Variants in RELN observed in about 807,000 individuals in gnomAD.
The protein encoded by RELN is reelin.
Under a neutral mutation model 427.6 loss-of-function variants are expected in RELN, and 108 were observed. The observed-to-expected ratio is 0.25, with a 90% CI of 0.22 to 0.30. The LOEUF (loss-of-function observed/expected upper bound fraction) is 0.30. RELN is among the 10% of genes least tolerant of loss of function. The pLI is 1.00. For missense variants in RELN, 3,715 were observed against 4,302.8 expected, an observed-to-expected ratio of 0.86 and a Z score of 3.82; for synonymous variants, 1,524 against 1,513.4, an observed-to-expected ratio of 1.01 and a Z score of -0.16.
At chr7:103,747,541 G>A (rs369420040) in intron 6 of RELN, among the ~76,000 whole-genome samples, 29 of 151,894 alleles carry the variant, frequency 1.9e-4, no homozygotes, top group African/African-American at 6.5e-4. Context: ...GCTTGGTGAA[G>A]AGTCAAACCA....
chr7:103,868,018 T>C (rs1251471249), intron 2 of RELN, among the ~76,000 whole-genome samples: 1 of 151,968 alleles, frequency 6.6e-6, no homozygotes, highest in Non-Finnish European at 1.5e-5. Flanking sequence ...CTCCACAAAA[T>C]TCAAAGCTCT....
chr7:103,603,907 C>CT lies in RELN; in HGVS notation c.3147-418dup, dbSNP rs1290228162. Among the ~76,000 whole-genome samples the CT allele has an allele frequency of 6.6e-6, 1 of 152,042 alleles. No homozygotes were observed. Among genetic ancestry groups the CT allele is most frequent in the African/African-American group, 2.4e-5 (1 of 41,390 alleles). On this transcript the variant is annotated intron_variant, in intron 23 of 64. Coordinates refer to ENST00000428762, the MANE Select transcript of RELN (RefSeq NM_005045.4). The surrounding 1 kb of genome is among the most constrained non-coding windows in gnomAD (Gnocchi z 4.3). ...GTTCCTCTTTCTGATTAAACTATGCCTTTTTTAGAGTCTTTAGGTATTCAA... is the reference window on the plus strand; with the variant it reads ...GTTCCTCTTTCTGATTAAACTATGCCTTTTTTTAGAGTCTTTAGGTATTCAA...
chr7:103,491,918 A>T, intron 58 of RELN, 35 bp downstream of exon 58: 1 of 1,445,272 alleles, frequency 6.9e-7, no homozygotes, highest in Non-Finnish European at 9.6e-7. Context: ...GGGGTATTCA[A>T]GTTTGAAGAT....
intron 12 of RELN, among the ~76,000 whole-genome samples, chr7:103,655,842 T>C (rs761182783): frequency 1.3e-5 from 2 of 152,124 alleles, no homozygotes; most frequent in Non-Finnish European, 2.9e-5. Context: ...ATCATAGTTC[T>C]GGAACCGCTG....
At position 103,540,257 on chromosome 7, in the gene RELN, G is replaced by A; in HGVS notation, c.6870C>T (p.Arg2290=). ...IPLKARSGST[R]LRWWQPSENG... ...TCTCAGACGGTTGCCACCAGCGAAG[G>A]CGAGTAGAACCAGAACGGGCTTTCA... The change falls in exon 44 of 65, where the codon CGC becomes CGT. Residue 2290 remains arginine (R), a synonymous_variant. Transcript: ENST00000428762. 1 of 1,614,196 alleles carries A rather than the reference G, an allele frequency of 6.2e-7. No individual in the cohort carries two copies. Among genetic ancestry groups the A allele is most frequent in the Non-Finnish European group, 8.5e-7 (1 of 1,180,026 alleles).
chr7:103,916,977 T>C (rs761723964), intron 2 of RELN, 98 bp downstream of exon 2: 9 of 915,174 alleles, frequency 9.8e-6, no homozygotes, highest in Non-Finnish European at 1.6e-5. Context: ...TTCTTGGAAG[T>C]AATAAAGGTC....
At chr7:103,798,667 T>A (rs155333) in intron 3 of RELN, among the ~76,000 whole-genome samples, 3 of 152,020 alleles carry the variant, frequency 2.0e-5, no homozygotes, top group African/African-American at 4.8e-5. Context: ...CCCTTTCCCA[T>A]GAGGACATCT....
chr7:103,516,012 A>G (rs1388927363), intron 49 of RELN, among the ~76,000 whole-genome samples: 1 of 152,158 alleles, frequency 6.6e-6, no homozygotes, highest in Non-Finnish European at 1.5e-5. Context: ...AAAATTGTAT[A>G]TATTCATAGA....
At chr7:103,557,634 C>A (rs1030351843) in intron 37 of RELN, among the ~76,000 whole-genome samples, 1 of 152,046 alleles carries the variant, frequency 6.6e-6, no homozygotes, top group African/African-American at 2.4e-5. Context: ...AGAAAATCCA[C>A]GTTTTTCATA....
At chr7:103,954,889 G>A in intron 1 of RELN, among the ~76,000 whole-genome samples, 1 of 152,116 alleles carries the variant, frequency 6.6e-6, no homozygotes, top group Non-Finnish European at 1.5e-5. Context: ...TTAAAAAACA[G>A]TAATTTTTAA....
At chr7:103,791,458 A>G (rs1192283165) in intron 3 of RELN, among the ~76,000 whole-genome samples, 2 of 152,210 alleles carry the variant, frequency 1.3e-5, no homozygotes, top group African/African-American at 4.8e-5. Flanking sequence ...TTTATGGTTA[A>G]TTTCTGACAG....
chr7:103,833,225 T>A (rs1428962211), intron 3 of RELN, among the ~76,000 whole-genome samples: 1 of 152,096 alleles, frequency 6.6e-6, no homozygotes, highest in African/African-American at 2.4e-5. Context: ...TGGTACCCTT[T>A]AAAAAATTTC....
At position 103,491,957 on chromosome 7, in the gene RELN, C is replaced by A. The variant is rs150485168; in HGVS notation, c.9439G>T (p.Ala3147Ser). The change falls in exon 58 of 65, where the codon GCA becomes TCA. Residue 3147 changes from alanine (A) to serine (S), a missense_variant. Physicochemically the swap from Ala to Ser is moderately conservative, Grantham distance 99 (BLOSUM62 1). Transcript: ENST00000428762. Reference protein sequence around the residue: ...HSVMLEYTKDARSDSWQLVQT... With the variant: ...HSVMLEYTKDSRSDSWQLVQT... ...GTTAAAAATTATTTCACAAACCTTG[C>A]ATCCTTAGTGTATTCCAGCATTACG... 12 of 1,596,880 alleles carry A rather than the reference C, an allele frequency of 7.5e-6. No homozygotes were observed. The highest frequency in any genetic ancestry group is 1.0e-5 in the Non-Finnish European group (12 of 1,169,886).
At chr7:103,858,255 C>T (rs1214555586) in intron 2 of RELN, among the ~76,000 whole-genome samples, 2 of 152,072 alleles carry the variant, frequency 1.3e-5, no homozygotes, top group East Asian at 3.9e-4. Context: ...TCCTCATCTA[C>T]AAAATGGGAT....
intron 6 of RELN, among the ~76,000 whole-genome samples, chr7:103,728,455 C>T (rs1359759612): frequency 1.3e-5 from 2 of 152,052 alleles, no homozygotes; most frequent in Non-Finnish European, 2.9e-5. Flanking sequence ...GTTTCAGTTT[C>T]CTCACCTGTA....
At chr7:103,771,571 G>C (rs893276049) in intron 4 of RELN, among the ~76,000 whole-genome samples, 3 of 152,190 alleles carry the variant, frequency 2.0e-5, no homozygotes, top group African/African-American at 7.2e-5. Flanking sequence ...GAGCCAACAT[G>C]TGGTAGTGCA....
intron 1 of RELN, among the ~76,000 whole-genome samples, chr7:103,959,586 A>G (rs532424720): frequency 6.6e-6 from 1 of 151,822 alleles, no homozygotes; most frequent in South Asian, 2.1e-4. Flanking sequence ...AGAACTCTTG[A>G]AGCCAACCTG....
intron 1 of RELN, among the ~76,000 whole-genome samples, chr7:103,940,805 G>GA: frequency 6.6e-6 from 1 of 152,306 alleles, no homozygotes; most frequent in Middle Eastern, 3.4e-3. Flanking sequence ...AGAGATACCT[G>GA]AAACCAAAAG....
At chr7:103,775,334 G>C (rs575980452) in intron 4 of RELN, among the ~76,000 whole-genome samples, 1 of 152,120 alleles carries the variant, frequency 6.6e-6, no homozygotes, top group Non-Finnish European at 1.5e-5. Context: ...TAATATGTTT[G>C]AAACTATAAC....
Sources: gnomAD v4.1 joint callset for allele counts (sites outside exome capture counted in the v4.1 genomes callset) on GRCh38, gnomAD v4.1.1 for gene constraint, Gnocchi (gnomAD v3.1) non-coding constraint, MANE v1.5 for transcripts, NCBI Gene and HGNC (gene_info 2026-07-23, HGNC 2026-07-21) for gene names.